The following FRK variants were observed in gnomAD, a reference collection of about 807,000 sequenced individuals.
FRK encodes the protein tyrosine-protein kinase FRK.
A neutral mutation model predicts 56.4 loss-of-function variants in FRK; 51 were observed. The ratio of observed to expected loss-of-function variants is 0.90; its 90% confidence interval spans 0.72 to 1.14. FRK has a LOEUF of 1.14. Among genes scored for constraint, FRK ranks in the 50% most tolerant of loss-of-function variants. The pLI is 0.00. For missense variants in FRK, 570 were observed against 601.4 expected (o/e 0.95, Z 0.55); for synonymous variants, 245 against 217.9 (o/e 1.12, Z -1.10).
chr6:116,024,150 A>G (rs1409694056), intron 1 of FRK, among the ~76,000 whole-genome samples: 1 of 151,608 alleles, frequency 6.6e-6, no homozygotes, highest in Admixed American at 6.6e-5. Context: ...CTTCCTTACC[A>G]TCAAGGAGGG....
At chr6:115,981,248 A>G (rs7757301) in intron 2 of FRK, among the ~76,000 whole-genome samples, 15,293 of 152,120 alleles carry the variant, frequency 0.1, 896 homozygotes, top group South Asian at 0.15. Flanking sequence ...CTCTTATTCT[A>G]TTAATGAAAA....
At chr6:115,999,769 G>A (rs575447084) in intron 2 of FRK, among the ~76,000 whole-genome samples, 2 of 152,112 alleles carry the variant, frequency 1.3e-5, no homozygotes, top group African/African-American at 2.4e-5. Flanking sequence ...CAGCAATTGG[G>A]TTGTTTGTTT....
chr6:115,993,447 A>T (rs1274414081), intron 2 of FRK, among the ~76,000 whole-genome samples: 2 of 151,572 alleles, frequency 1.3e-5, no homozygotes, highest in East Asian at 1.9e-4. Flanking sequence ...TTTTTCCTTG[A>T]TATTATAATA....
chr6:116,024,271 T>G (rs1287746165), intron 1 of FRK, among the ~76,000 whole-genome samples: 1 of 152,068 alleles, frequency 6.6e-6, no homozygotes, highest in African/African-American at 2.4e-5. Context: ...TTTTTTTAAT[T>G]ATTATTATTA....
chr6:116,036,830 T>C (rs574814240), intron 1 of FRK, among the ~76,000 whole-genome samples: 3 of 152,324 alleles, frequency 2.0e-5, no homozygotes, highest in Admixed American at 2.0e-4. Context: ...ATGAGCACTG[T>C]CCTATGTCAA....
chr6:116,031,457 G>A (rs1016899987), intron 1 of FRK, among the ~76,000 whole-genome samples: 8 of 152,088 alleles, frequency 5.3e-5, no homozygotes, highest in African/African-American at 1.9e-4. Flanking sequence ...ATCACATCTA[G>A]CTCTAATGGT....
intron 1 of FRK, among the ~76,000 whole-genome samples, chr6:116,046,780 TA>T (rs1196444557): frequency 4.6e-5 from 7 of 151,562 alleles, no homozygotes; most frequent in Admixed American, 2.6e-4. Context: ...TAAAGTATAA[TA>T]ATAAGAAGAA....
intron 2 of FRK, among the ~76,000 whole-genome samples, chr6:115,989,057 A>C (rs1018639002): frequency 1.3e-5 from 2 of 151,860 alleles, no homozygotes; most frequent in Non-Finnish European, 2.9e-5. Flanking sequence ...TGTCTACATG[A>C]TATCTCGGTC....
intron 1 of FRK, among the ~76,000 whole-genome samples, chr6:116,021,959 A>T (rs1206214214): frequency 6.6e-6 from 1 of 151,992 alleles, no homozygotes; most frequent in African/African-American, 2.4e-5. Context: ...AAAAATCAAA[A>T]ATAATTTATC....
chr6:116,071,819 A>G, the FRK span, among the ~76,000 whole-genome samples: 15 of 152,318 alleles, frequency 9.8e-5, no homozygotes, highest in East Asian at 1.5e-3. Flanking sequence ...CTATACAAGG[A>G]GAGTCTCTCA....
intron 2 of FRK, among the ~76,000 whole-genome samples, chr6:115,973,722 T>A (rs1484764589): frequency 2.0e-5 from 3 of 151,832 alleles, no homozygotes; most frequent in African/African-American, 4.8e-5. Context: ...ATAGAAAAAA[T>A]TAGCCGGGTG....
chr6:115,968,524 G>C, intron 3 of FRK, 52 bp downstream of exon 3: 1 of 1,572,494 alleles, frequency 6.4e-7, no homozygotes, highest in East Asian at 2.2e-5. Flanking sequence ...TCAGATATCT[G>C]AAGGAAAAAA....
chr6:116,013,500 C>T (rs1775544163), intron 1 of FRK, among the ~76,000 whole-genome samples: 1 of 152,038 alleles, frequency 6.6e-6, no homozygotes, highest in African/African-American at 2.4e-5. Context: ...TAATGTTTGT[C>T]CCAGAAACTA....
chr6:116,092,068 CTG>C, the FRK span, among the ~76,000 whole-genome samples: 1 of 152,202 alleles, frequency 6.6e-6, no homozygotes, highest in Non-Finnish European at 1.5e-5. Context: ...CTCCCTGTCT[CTG>C]GTGCTTTTCT....
At position 115,933,959 on chromosome 6, in the gene FRK, A is replaced by G. The variant is rs1021033700; in HGVS notation, c.*8455T>C. ...ACATGACCCATTTAATTTCAAGGTC[A>G]TCAGGAAAGTTTGGGTATATATGCA... On this transcript the variant is annotated 3_prime_UTR_variant, in exon 8 of 8. Coordinates refer to ENST00000606080, the MANE Select transcript of FRK (RefSeq NM_002031.3). 4 of 152,134 alleles carry G rather than the reference A, an allele frequency of 2.6e-5. No homozygotes were observed. In the East Asian group the frequency reaches 7.7e-4, roughly 29 times the overall value. The allele number at this position is 152,134 out of a possible 1,614,324, so 9.4% of individuals were successfully genotyped here.
Position 115,960,279 on chromosome 6 carries a change from G to A in FRK, c.800-3669C>T, listed in dbSNP as rs1407189826. On this transcript the variant is annotated intron_variant, in intron 4 of 7. Transcript: ENST00000606080. ...TTCCCTTTCCGAGTCAAAGAAAGGG[G>A]TGACGGACGCACCTGGAAAATCGGG... Among the ~76,000 whole-genome samples, 5 of 151,114 alleles carry A rather than the reference G, an allele frequency of 3.3e-5. No individual in the cohort carries two copies. The East Asian group carries it at 9.9e-4, about 30-fold the overall frequency.
intron 1 of FRK, among the ~76,000 whole-genome samples, chr6:116,044,990 A>G (rs1034303891): frequency 6.6e-6 from 1 of 152,240 alleles, no homozygotes; most frequent in African/African-American, 2.4e-5. Flanking sequence ...CAATTGCTAC[A>G]AAGAGAATAA....
chr6:115,999,379 C>T (rs760331657), intron 2 of FRK, among the ~76,000 whole-genome samples: 8 of 152,076 alleles, frequency 5.3e-5, no homozygotes, highest in South Asian at 2.1e-4. Flanking sequence ...TGAGAGGTGT[C>T]GTGGCCCTAA....
At chr6:115,979,141 C>T (rs1774098998) in intron 2 of FRK, among the ~76,000 whole-genome samples, 1 of 151,970 alleles carries the variant, frequency 6.6e-6, no homozygotes, top group African/African-American at 2.4e-5. Flanking sequence ...CAGCCTCAGG[C>T]AGGTTCTTCA....
Sources: allele counts gnomAD v4.1 joint callset (sites outside exome capture counted in the v4.1 genomes callset), GRCh38; gene constraint gnomAD v4.1.1; transcripts MANE v1.5; gene names NCBI Gene and HGNC (gene_info 2026-07-23, HGNC 2026-07-21).